Variants in AGO3 observed in about 807,000 individuals in gnomAD.
AGO3 encodes the protein protein argonaute-3.
A neutral mutation model predicts 105.5 loss-of-function variants in AGO3; 16 were observed. That is an observed-to-expected ratio of 0.15 (90% CI 0.10 to 0.23). The LOEUF (loss-of-function observed/expected upper bound fraction) is 0.23, where lower values mean the gene tolerates loss of function less well. Among genes scored for constraint, AGO3 ranks in the 10% least tolerant of loss-of-function variants. The pLI is 1.00. For missense variants in AGO3, 534 were observed against 1,088.0 expected, an observed-to-expected ratio of 0.49 and a Z score of 7.16; for synonymous variants, 340 against 367.3, an observed-to-expected ratio of 0.93 and a Z score of 0.85.
At chr1:36,013,859 T>A (rs1238239876) in intron 10 of AGO3, 56 bp from the exon 11 acceptor site, 1 of 1,602,128 alleles carries the variant, frequency 6.2e-7, no homozygotes, top group Non-Finnish European at 8.5e-7. Context: ...GTTTACTTTC[T>A]GTTTATTGAA....
rs75780558 is a variant in AGO3 at position 36,030,742 on chromosome 1, A to G, written c.1592-3432A>G. ...GTCATCCTCCCGCCTCAGCCTCCCA[A>G]TGCTGGGATTACAGGCATGTGCCAC... On this transcript the variant is annotated intron_variant, in intron 12 of 18. Coordinates refer to ENST00000373191, the MANE Select transcript of AGO3 (RefSeq NM_024852.4). Among the ~76,000 whole-genome samples the G allele has an allele frequency of 2.3e-3, 350 of 152,216 alleles. 1 individual carries two copies. The highest frequency in any genetic ancestry group is 8.1e-3 in the African/African-American group (338 of 41,546).
chr1:35,983,625 C>G (rs2148786030), intron 5 of AGO3, among the ~76,000 whole-genome samples: 1 of 152,102 alleles, frequency 6.6e-6, no homozygotes, highest in South Asian at 2.1e-4. Context: ...CCCTCCACAC[C>G]TGGTCTGAAA....
chr1:35,991,106 C>A (rs1328050732), intron 5 of AGO3, among the ~76,000 whole-genome samples: 1 of 152,178 alleles, frequency 6.6e-6, no homozygotes, highest in Non-Finnish European at 1.5e-5. Context: ...GAGTTCAAGA[C>A]CAGCCTGGCC....
intron 10 of AGO3, 43 bp from the exon 11 acceptor site, chr1:36,013,872 T>C: frequency 6.3e-7 from 1 of 1,599,848 alleles, no homozygotes; most frequent in Non-Finnish European, 8.5e-7. Context: ...TTATTGAAAA[T>C]TTTTGTTCTT....
intron 12 of AGO3, among the ~76,000 whole-genome samples, chr1:36,030,641 G>A (rs1271703703): frequency 1.3e-5 from 2 of 152,102 alleles, no homozygotes; most frequent in South Asian, 4.1e-4. Context: ...CGTTGCTGAT[G>A]GTAGTATAAA....
At chr1:35,933,449 C>A (rs531658823) in intron 1 of AGO3, among the ~76,000 whole-genome samples, 2 of 151,852 alleles carry the variant, frequency 1.3e-5, no homozygotes, top group South Asian at 2.1e-4. Flanking sequence ...TGGAGACCAG[C>A]CTAGGTAACA....
In AGO3 at chr1:36,004,480, A is replaced by G. The variant is rs753920556; in HGVS notation, c.793+5A>G. On this transcript the variant is annotated splice_donor_5th_base_variant and intron_variant, in intron 6 of 18. Coordinates refer to ENST00000373191, the MANE Select transcript of AGO3 (RefSeq NM_024852.4). ...AATTCACCAAAGAGATAAAAGGTGA[A>G]TTAATTAGCATTTAGCACAACTTAA... 5 of 1,583,938 alleles carry G rather than the reference A, an allele frequency of 3.2e-6. No individual in the cohort carries two copies. The South Asian group carries it at 5.8e-5, about 19-fold the overall frequency.
At chr1:35,958,048 C>A (rs1646603575) in intron 2 of AGO3, among the ~76,000 whole-genome samples, 1 of 150,504 alleles carries the variant, frequency 6.6e-6, no homozygotes, top group South Asian at 2.1e-4. Flanking sequence ...CTCTGGGTGA[C>A]AGAGCAAGAT....
At chr1:35,996,375 A>G (rs1175308838) in intron 5 of AGO3, among the ~76,000 whole-genome samples, 2 of 152,184 alleles carry the variant, frequency 1.3e-5, no homozygotes, top group African/African-American at 4.8e-5. Flanking sequence ...ACACATTTGC[A>G]AAACGTAACA....
At chr1:35,946,195 A>T (rs1646361521) in intron 2 of AGO3, among the ~76,000 whole-genome samples, 1 of 151,864 alleles carries the variant, frequency 6.6e-6, no homozygotes, top group Admixed American at 6.6e-5. Context: ...TTTTCTCCTC[A>T]CCTCTCTTAT....
At chr1:35,931,521 C>T (rs1646047133) in intron 1 of AGO3, 76 bp downstream of exon 1, 1 of 1,315,074 alleles carries the variant, frequency 7.6e-7, no homozygotes, top group Non-Finnish European at 9.8e-7. Flanking sequence ...TCCTCCCGCC[C>T]GGCCCAGGTG....
intron 6 of AGO3, among the ~76,000 whole-genome samples, chr1:36,007,531 T>C (rs1285330380): frequency 6.6e-6 from 1 of 152,110 alleles, no homozygotes; most frequent in Non-Finnish European, 1.5e-5. Flanking sequence ...ACCCCATCTC[T>C]ACTAAAAATA....
chr1:36,037,419 G>T (rs1393887360), intron 14 of AGO3, among the ~76,000 whole-genome samples: 1 of 152,126 alleles, frequency 6.6e-6, no homozygotes, highest in Admixed American at 6.6e-5. Flanking sequence ...TATTCGGGAG[G>T]CTGAGGCAAG....
chr1:36,046,409 C>T (rs1197728297), intron 17 of AGO3, among the ~76,000 whole-genome samples: 6 of 151,922 alleles, frequency 3.9e-5, no homozygotes, highest in South Asian at 2.1e-4. Context: ...GATCATACCT[C>T]GGCCAGGTGC....
At chr1:36,032,806 A>G (rs965664748) in intron 12 of AGO3, among the ~76,000 whole-genome samples, 7 of 151,900 alleles carry the variant, frequency 4.6e-5, no homozygotes, top group African/African-American at 1.7e-4. Flanking sequence ...CGTGGCCAAC[A>G]TGGCAAGACC....
Position 36,031,024 on chromosome 1 carries a change from A to G in AGO3, c.1592-3150A>G, listed in dbSNP as rs1239482671. The stretch of plus-strand genomic sequence containing the variant: ...TATATTTCTGTCATTTATTTCACTT[A>G]TCCATAAGCTATAACTACCCAATAC... On this transcript the variant is annotated intron_variant, in intron 12 of 18. Transcript: ENST00000373191. 5.9e-5 allele frequency among the ~76,000 whole-genome samples: 9 copies of G among 152,272 alleles called. No individual in the cohort carries two copies. In the East Asian group the frequency reaches 1.5e-3, roughly 26 times the overall value.
intron 5 of AGO3, among the ~76,000 whole-genome samples, chr1:35,993,107 G>C (rs1647839943): frequency 6.6e-6 from 1 of 152,060 alleles, no homozygotes; most frequent in Non-Finnish European, 1.5e-5. Flanking sequence ...TACCCTATTG[G>C]TTACTCAGAT....
At chr1:35,985,447 C>T (rs1362780025) in intron 5 of AGO3, among the ~76,000 whole-genome samples, 1 of 152,158 alleles carries the variant, frequency 6.6e-6, no homozygotes, top group African/African-American at 2.4e-5. Flanking sequence ...AGTTATACCA[C>T]ATGGCTTCAG....
At chr1:36,032,358 T>A (rs1641817742) in intron 12 of AGO3, among the ~76,000 whole-genome samples, 1 of 152,170 alleles carries the variant, frequency 6.6e-6, no homozygotes, top group African/African-American at 2.4e-5. Flanking sequence ...TTTCTGTTTA[T>A]CTTCTTTAGA....
Sources: allele counts gnomAD v4.1 joint callset (sites outside exome capture counted in the v4.1 genomes callset), GRCh38; gene constraint gnomAD v4.1.1; transcripts MANE v1.5; gene names NCBI Gene and HGNC (gene_info 2026-07-23, HGNC 2026-07-21).